DPP8: variants seen among roughly 807,000 people sequenced by gnomAD.
DPP8 encodes DPP VIII.
Under a neutral mutation model 107.5 loss-of-function variants are expected in DPP8, and 31 were observed. The ratio of observed to expected loss-of-function variants is 0.29; its 90% CI spans 0.22 to 0.39. The LOEUF is 0.39. Among genes scored for constraint, DPP8 ranks in the 10% least tolerant of loss-of-function variants. The probability of loss-of-function intolerance (pLI) is 1.00; values close to 1 mark genes in which losing one functional copy is unlikely to be tolerated. For missense variants in DPP8, 842 were observed against 1,076.1 expected (o/e 0.78, Z 3.04); for synonymous variants, 381 against 356.6 (o/e 1.07, Z -0.77).
At chr15:65,484,538 G>C (rs1412491242) in intron 8 of DPP8, among the ~76,000 whole-genome samples, 1 of 151,788 alleles carries the variant, frequency 6.6e-6, no homozygotes, top group East Asian at 1.9e-4. Context: ...TCTCAGTAAA[G>C]CTGTTTTTAA....
chr15:65,501,997 C>G (rs544854987), intron 3 of DPP8, among the ~76,000 whole-genome samples: 1 of 152,286 alleles, frequency 6.6e-6, no homozygotes, highest in South Asian at 2.1e-4. Flanking sequence ...TCAGGTGATT[C>G]TCATGCCTCA....
chr15:65,445,522 G>A lies in DPP8; in HGVS notation c.*1362C>T, dbSNP rs1688478935. ...ACCAAGAAAAGTTCATGATCATTCA[G>A]AAAAACTGTTTACAGGCTTTAAACA... On this transcript the variant is annotated 3_prime_UTR_variant, in exon 20 of 20. Coordinates refer to ENST00000300141, the MANE Select transcript of DPP8 (RefSeq NM_130434.5). 6.6e-6 allele frequency: 1 copy of A among 152,320 alleles called. No individual in the cohort carries two copies. The highest frequency in any genetic ancestry group is 1.5e-5 in the Non-Finnish European group (1 of 67,778). The allele number at this position is 152,320 out of a possible 1,614,324, so 9.4% of individuals were successfully genotyped here. A position where few individuals can be genotyped will look rare whatever the true frequency, so the allele number is the denominator to read the frequency against.
At position 65,487,630 on chromosome 15, in the gene DPP8, G is replaced by T; in HGVS notation, c.955+60C>A. The T allele has an allele frequency of 2.6e-6, 4 of 1,540,544 alleles. No homozygotes were observed. In the South Asian group the frequency reaches 4.8e-5, roughly 18 times the overall value. ...TTGGCTACACCTTTGGATGACTACA[G>T]AAAGAATCTTATTTGGAAAGAGGAA... On this transcript the variant is annotated intron_variant, in intron 7 of 19. Coordinates refer to ENST00000300141, the MANE Select transcript of DPP8 (RefSeq NM_130434.5).
chr15:65,478,793 A>G, intron 11 of DPP8, 87 bp downstream of exon 11: 1 of 899,232 alleles, frequency 1.1e-6, no homozygotes, highest in Non-Finnish European at 1.7e-6. Flanking sequence ...TGATGCTTAT[A>G]AAGCATGCAA....
chr15:65,499,070 A>AGTGTGTGTGTGTGTGT (rs56047613), intron 4 of DPP8, among the ~76,000 whole-genome samples: 47 of 129,762 alleles, frequency 3.6e-4, no homozygotes, highest in African/African-American at 1.4e-3. Flanking sequence ...CCAAAAAAAA[A>AGTGTGTGTGTGTGTGT]GTGTGTGTGT....
At chr15:65,500,800 C>G in intron 3 of DPP8, 21 bp from the exon 4 acceptor site, 1 of 1,586,098 alleles carries the variant, frequency 6.3e-7, no homozygotes, top group South Asian at 1.1e-5. Flanking sequence ...AGGAAAGTCA[C>G]CTATTCCAGT....
In DPP8 at chr15:65,446,980, T is replaced by A. The variant is rs750320894; in HGVS notation, c.2553A>T (p.Ile851=). 2 of 1,611,510 alleles carry A rather than the reference T, an allele frequency of 1.2e-6. No individual in the cohort carries two copies. The highest frequency in any genetic ancestry group is 1.7e-6 in the Non-Finnish European group (2 of 1,178,630). ...LQIYPQERHS[I]RVPESGEHYE... is the part of the protein sequence containing the mutation. ...AATGTTCTCCCGATTCAGGAACTCT[T>A]ATGCTGTGTCTCTCCTGAGGATAGA... The change falls in exon 20 of 20, where the codon ATA becomes ATT. Residue 851 remains isoleucine (I), a synonymous_variant. Transcript: ENST00000300141.
chr15:65,481,970 AT>A (rs2066967045), intron 8 of DPP8, among the ~76,000 whole-genome samples: 1 of 85,040 alleles, frequency 1.2e-5, no homozygotes. Flanking sequence ...ACCTAGAAAT[AT>A]ATATATATAT....
At position 65,466,830 on chromosome 15, in the gene DPP8, C is replaced by T. The variant is rs377067522; in HGVS notation, c.1690-17G>A. The T allele has an allele frequency of 1.8e-5, 29 of 1,602,332 alleles. No homozygotes were observed. The African/African-American group carries it at 3.4e-4, about 19-fold the overall frequency. Reference sequence around the variant, plus strand: ...GTCACAGTGCTAGAGAAAGGAGAAACAATTATATTTTTCGTCAGGAAGGTA... The same window carrying T: ...GTCACAGTGCTAGAGAAAGGAGAAATAATTATATTTTTCGTCAGGAAGGTA... On this transcript the variant is annotated splice_polypyrimidine_tract_variant and intron_variant, in intron 13 of 19. Coordinates refer to ENST00000300141, the MANE Select transcript of DPP8 (RefSeq NM_130434.5).
intron 2 of DPP8, among the ~76,000 whole-genome samples, chr15:65,508,302 A>G (rs1455472992): frequency 6.6e-6 from 1 of 152,158 alleles, no homozygotes; most frequent in Non-Finnish European, 1.5e-5. Flanking sequence ...CAATAAAACT[A>G]TACTAATATT....
At chr15:65,504,431 G>A (rs562098653) in intron 3 of DPP8, among the ~76,000 whole-genome samples, 13 of 151,944 alleles carry the variant, frequency 8.6e-5, no homozygotes, top group African/African-American at 3.1e-4. Context: ...CAGCACATTG[G>A]GAGGCTGAGG....
intron 5 of DPP8, among the ~76,000 whole-genome samples, chr15:65,497,014 C>T (rs2068671156): frequency 6.6e-6 from 1 of 152,108 alleles, no homozygotes; most frequent in Non-Finnish European, 1.5e-5. Context: ...CTCAACCTCC[C>T]TAGTAGCTGG....
At chr15:65,472,675 T>G (rs2065997555) in intron 12 of DPP8, among the ~76,000 whole-genome samples, 1 of 152,096 alleles carries the variant, frequency 6.6e-6, no homozygotes, top group Non-Finnish European at 1.5e-5. Flanking sequence ...ATATGCTAAC[T>G]TACAACTTTT....
chr15:65,490,878 G>A (rs1203793741), intron 5 of DPP8, among the ~76,000 whole-genome samples: 2 of 152,126 alleles, frequency 1.3e-5, no homozygotes, highest in East Asian at 3.9e-4. Context: ...AAGATTTTGA[G>A]GCCAGGCGTG....
chr15:65,494,058 C>T (rs1473325416), intron 5 of DPP8, among the ~76,000 whole-genome samples: 1 of 147,018 alleles, frequency 6.8e-6, no homozygotes, highest in African/African-American at 2.7e-5. Flanking sequence ...TCTGTTTTTA[C>T]AGATGTGGAA....
At chr15:65,449,381 T>G (rs1014290297) in intron 19 of DPP8, among the ~76,000 whole-genome samples, 1 of 151,308 alleles carries the variant, frequency 6.6e-6, no homozygotes, top group Non-Finnish European at 1.5e-5. Context: ...GAATAGTATT[T>G]ACAATTATCT....
intron 2 of DPP8, among the ~76,000 whole-genome samples, chr15:65,509,077 T>G (rs1409432565): frequency 6.6e-6 from 1 of 152,182 alleles, no homozygotes; most frequent in African/African-American, 2.4e-5. Flanking sequence ...CATATCTTTT[T>G]TTATCCTCTT....
intron 12 of DPP8, among the ~76,000 whole-genome samples, chr15:65,473,233 G>A (rs541880173): frequency 2.0e-5 from 3 of 151,538 alleles, no homozygotes; most frequent in Admixed American, 2.0e-4. Flanking sequence ...GCTGAAGCAG[G>A]AGAATTGCTT....
intron 19 of DPP8, among the ~76,000 whole-genome samples, chr15:65,447,661 G>A (rs979690528): frequency 1.3e-5 from 2 of 152,130 alleles, no homozygotes; most frequent in Non-Finnish European, 2.9e-5. Flanking sequence ...CTTTTTAAAT[G>A]GAACTCCATT....
Sources: gnomAD v4.1 joint callset for allele counts (sites outside exome capture counted in the v4.1 genomes callset) on GRCh38, gnomAD v4.1.1 for gene constraint, MANE v1.5 for transcripts, NCBI Gene and HGNC (gene_info 2026-07-23, HGNC 2026-07-21) for gene names.